Variants in USP34 observed in about 807,000 individuals in gnomAD.
USP34 encodes ubiquitin carboxyl-terminal hydrolase 34.
In USP34, 70 loss-of-function variants were observed where a neutral mutation model predicts 460.3. The ratio of observed to expected loss-of-function variants is 0.15; its 90% CI spans 0.13 to 0.19. The LOEUF (loss-of-function observed/expected upper bound fraction) is 0.19. USP34 is among the 10% of genes least tolerant of loss of function. The pLI is 1.00. For synonymous variants in USP34, 1,647 were observed against 1,405.3 expected (o/e 1.17, Z -3.85); for missense variants, 3,985 against 4,236.2 (o/e 0.94, Z 1.65).
Position 61,311,885 on chromosome 2 carries a change from G to C in USP34, c.3568C>G (p.Gln1190Glu). Residue 1190 changes from glutamine (Q) to glutamate (E), a missense_variant, in exon 26 of 80, where the codon CAA (glutamine) becomes GAA (glutamate). By Grantham distance (29) the Gln-to-Glu change is conservative. Transcript: ENST00000398571. ...CTACTAATACCAGTGCCTTCAATTT[G>C]CCACTGTCTCAGATGATATGCAAAC... ...RRFAYHLRQW[Q>E]IEGTGISSHL... The C allele has an allele frequency of 1.2e-6, 2 of 1,613,684 alleles. No individual in the cohort carries two copies. The highest frequency in any genetic ancestry group is 1.7e-6 in the Non-Finnish European group (2 of 1,179,860).
chr2:61,440,147 C>T (rs1057345728), intron 1 of USP34, among the ~76,000 whole-genome samples: 2 of 152,144 alleles, frequency 1.3e-5, no homozygotes, highest in Non-Finnish European at 2.9e-5. Flanking sequence ...CCCGAGCACT[C>T]ATCTAGGGCA....
At chr2:61,348,619 A>G in intron 14 of USP34, 137 bp downstream of exon 14, 1 of 1,438,792 alleles carries the variant, frequency 7.0e-7, no homozygotes, top group Non-Finnish European at 9.2e-7. Flanking sequence ...GGAATTAAAA[A>G]CTCAAAGGAT....
intron 1 of USP34, among the ~76,000 whole-genome samples, chr2:61,458,070 G>A (rs1417214210): frequency 6.6e-6 from 1 of 152,108 alleles, no homozygotes; most frequent in Non-Finnish European, 1.5e-5. Context: ...TGCAGGCACT[G>A]TAAAACAGTA....
chr2:61,240,687 C>T (rs538062238), intron 53 of USP34, among the ~76,000 whole-genome samples: 72 of 151,954 alleles, frequency 4.7e-4, no homozygotes, highest in Admixed American at 9.2e-4. Context: ...GCTTCTCTCG[C>T]CTAGGCCTCC....
At chr2:61,401,508 G>C (rs1410929398) in intron 3 of USP34, among the ~76,000 whole-genome samples, 1 of 150,214 alleles carries the variant, frequency 6.7e-6, no homozygotes, top group Non-Finnish European at 1.5e-5. Context: ...AAAATGCTGG[G>C]ATTACAGGTG....
At chr2:61,403,903 G>C (rs751418568) in intron 3 of USP34, among the ~76,000 whole-genome samples, 1 of 141,722 alleles carries the variant, frequency 7.1e-6, no homozygotes, top group Non-Finnish European at 1.5e-5. Context: ...TGAGGCAGGA[G>C]AATGACGTGA....
intron 5 of USP34, among the ~76,000 whole-genome samples, chr2:61,388,347 C>T (rs1693232704): frequency 6.6e-6 from 1 of 151,518 alleles, no homozygotes; most frequent in Non-Finnish European, 1.5e-5. Flanking sequence ...GGAACTCTCA[C>T]AGACCTGACA....
intron 5 of USP34, among the ~76,000 whole-genome samples, chr2:61,391,943 G>C (rs1054186700): frequency 1.3e-5 from 2 of 152,134 alleles, no homozygotes; most frequent in South Asian, 4.1e-4. Flanking sequence ...TAGTATTATA[G>C]TATTACGGTG....
intron 76 of USP34, chr2:61,190,943 G>T: frequency 4.0e-6 from 1 of 252,820 alleles, no homozygotes. Context: ...TTATTATCCA[G>T]CACTGAGAGA....
Position 61,266,009 on chromosome 2 carries a change from G to C in USP34, c.5592C>G (p.Asn1864Lys), listed in dbSNP as rs761146654. ...GSVENYRLIH[N>K]WVMAQHMQSH... is the part of the protein sequence containing the mutation. ...ACTGCATGTGTTGTGCCATAACCCA[G>C]TTGTGTATTAGCCTGTAGTTCTCAA... is the stretch of plus-strand genomic sequence containing the variant. Residue 1864 changes from asparagine to lysine, a missense_variant, in exon 42 of 80, where the codon AAC (asparagine) becomes AAG (lysine). By Grantham distance (94) the Asn-to-Lys change is moderately conservative (BLOSUM62 0). Around this residue, in one of 14 missense-constraint regions of USP34, gnomAD observed 1,114 missense variants for 1,122.5 expected, o/e 0.99. Coordinates refer to ENST00000398571, the MANE Select transcript of USP34 (RefSeq NM_014709.4). The C allele has an allele frequency of 1.9e-6, 3 of 1,611,230 alleles. No individual in the cohort carries two copies. The highest frequency in any genetic ancestry group is 4.5e-5 in the East Asian group (2 of 44,854).
At chr2:61,196,869 T>G (rs964023198) in intron 75 of USP34, among the ~76,000 whole-genome samples, 1 of 152,162 alleles carries the variant, frequency 6.6e-6, no homozygotes, top group African/African-American at 2.4e-5. Flanking sequence ...TTTCCACAAC[T>G]ACCAAGAAGC....
chr2:61,275,697 A>G (rs1472384962), intron 41 of USP34, among the ~76,000 whole-genome samples: 18 of 152,074 alleles, frequency 1.2e-4, no homozygotes, highest in Admixed American at 8.5e-4. Context: ...AGTATAGAAC[A>G]CTGTGTTTAA....
Position 61,405,182 on chromosome 2 carries a change from G to A in USP34, c.552+526C>T, listed in dbSNP as rs1460888080. 6.3e-5 allele frequency among the ~76,000 whole-genome samples: 8 copies of A among 127,312 alleles called. No homozygotes were observed. In the East Asian group the frequency reaches 9.6e-4, roughly 15 times the overall value. 83.5% of individuals were successfully genotyped at this position (127,312 alleles called of 152,430 possible). ...CAGGAGGCGGAGCTTGCAGTGAACCGAGATCACACCACTGCATTCCAGCCT... is the reference window on the plus strand; with the variant it reads ...CAGGAGGCGGAGCTTGCAGTGAACCAAGATCACACCACTGCATTCCAGCCT... On this transcript the variant is annotated intron_variant, in intron 3 of 79. Transcript: ENST00000398571.
At chr2:61,387,580 AAT>A (rs1030285063) in intron 5 of USP34, among the ~76,000 whole-genome samples, 6 of 146,114 alleles carry the variant, frequency 4.1e-5, no homozygotes, top group East Asian at 3.9e-4. Flanking sequence ...ACATATATAA[AAT>A]ATATATATTT....
chr2:61,432,230 T>C (rs899100769), intron 1 of USP34, among the ~76,000 whole-genome samples: 2 of 151,802 alleles, frequency 1.3e-5, no homozygotes, highest in Admixed American at 6.6e-5. Flanking sequence ...TCCTAGCACT[T>C]TGAGTGGCCA....
chr2:61,370,619 G>A, intron 8 of USP34, 40 bp from the exon 9 acceptor site: 1 of 1,579,436 alleles, frequency 6.3e-7, no homozygotes, highest in Non-Finnish European at 8.6e-7. Flanking sequence ...AAAAAAAATT[G>A]TCATCTTTTC....
intron 56 of USP34, 52 bp downstream of exon 56, chr2:61,235,974 A>G (rs1234085427): frequency 1.1e-5 from 18 of 1,595,830 alleles, no homozygotes; most frequent in Non-Finnish European, 1.3e-5. Context: ...AAACCAAAAG[A>G]TATCTGATAA....
chr2:61,260,495 G>C (rs1459177899), intron 43 of USP34, among the ~76,000 whole-genome samples: 3 of 152,164 alleles, frequency 2.0e-5, no homozygotes, highest in South Asian at 2.1e-4. Context: ...CACAAGCTAA[G>C]AGTATACATT....
chr2:61,464,953 A>G (rs1381994251), intron 1 of USP34, among the ~76,000 whole-genome samples: 1 of 152,134 alleles, frequency 6.6e-6, no homozygotes, highest in Non-Finnish European at 1.5e-5. Context: ...CAACAGAACA[A>G]GCAGAGGAAC....
Sources: allele counts gnomAD v4.1 joint callset (sites outside exome capture counted in the v4.1 genomes callset), GRCh38; gene constraint gnomAD v4.1.1; regional missense constraint gnomAD v4.1.1; transcripts MANE v1.5; gene names NCBI Gene and HGNC (gene_info 2026-07-23, HGNC 2026-07-21).